Variants in SORCS2 observed in about 807,000 individuals in gnomAD.
The protein encoded by SORCS2 is VPS10 domain-containing receptor SorCS2.
A neutral mutation model predicts 141.6 loss-of-function variants in SORCS2; 100 were observed. That is an observed-to-expected ratio of 0.71 (90% CI 0.60 to 0.83). The LOEUF is 0.83. Ranked by LOEUF, SORCS2 falls within the 40% of genes least tolerant of loss-of-function variation. The pLI, the probability that SORCS2 is intolerant of heterozygous loss-of-function variation, is 0.00. For synonymous variants in SORCS2, 789 were observed against 676.9 expected (o/e 1.17, Z -2.57); for missense variants, 1,646 against 1,560.2 (o/e 1.05, Z -0.93).
At chr4:7,520,498 G>A (rs1194737241) in intron 2 of SORCS2, among the ~76,000 whole-genome samples, 1 of 152,200 alleles carries the variant, frequency 6.6e-6, no homozygotes, top group Non-Finnish European at 1.5e-5. Flanking sequence ...GCCCAGCCCA[G>A]CTTCATTCTG....
At chr4:7,465,236 C>T (rs1253258553) in intron 2 of SORCS2, among the ~76,000 whole-genome samples, 1 of 152,240 alleles carries the variant, frequency 6.6e-6, no homozygotes, top group Non-Finnish European at 1.5e-5. Flanking sequence ...TGCATTTAGC[C>T]CTCAGGAGCT....
At chr4:7,279,283 G>C (rs778262533) in intron 1 of SORCS2, among the ~76,000 whole-genome samples, 19 of 152,224 alleles carry the variant, frequency 1.2e-4, no homozygotes, top group Non-Finnish European at 2.1e-4. Context: ...GATGGAGCTA[G>C]GGACAGGCTT....
At chr4:7,467,631 T>C (rs892663197) in intron 2 of SORCS2, among the ~76,000 whole-genome samples, 4 of 152,180 alleles carry the variant, frequency 2.6e-5, no homozygotes, top group Non-Finnish European at 5.9e-5. Flanking sequence ...TTCAGAGGCC[T>C]CCTGAATCTT....
Position 7,698,338 on chromosome 4 carries a change from G to A in SORCS2, c.1668+1064G>A, listed in dbSNP as rs74828845. Among the ~76,000 whole-genome samples the A allele has an allele frequency of 2.0e-3, 307 of 152,364 alleles. 2 individuals are homozygous for A. Among genetic ancestry groups the A allele is most frequent in the South Asian group, 0.011 (53 of 4,826 alleles). On this transcript the variant is annotated intron_variant, in intron 12 of 26. Transcript: ENST00000507866. ...CCCCTCCCACACAGCAATGCTCTGG[G>A]CACACGTGTTGATCCCAAAGTGCAG...
At chr4:7,704,109 G>T in intron 13 of SORCS2, 68 bp from the exon 14 acceptor site, 1 of 1,460,648 alleles carries the variant, frequency 6.8e-7, no homozygotes, top group South Asian at 1.2e-5. Flanking sequence ...TGGACCCGCC[G>T]GGCAGAGTCC....
At chr4:7,328,749 C>A (rs989403155) in intron 1 of SORCS2, among the ~76,000 whole-genome samples, 37 of 152,222 alleles carry the variant, frequency 2.4e-4, no homozygotes, top group Admixed American at 5.9e-4. Context: ...GAGACAAGTC[C>A]TGGTCTTGCC....
At chr4:7,635,533 A>G (rs1233220885) in intron 3 of SORCS2, among the ~76,000 whole-genome samples, 1 of 152,218 alleles carries the variant, frequency 6.6e-6, no homozygotes, top group Non-Finnish European at 1.5e-5. Context: ...ATTTGTCATT[A>G]ACAGAATCAT....
intron 2 of SORCS2, among the ~76,000 whole-genome samples, chr4:7,488,122 C>T (rs1435348826): frequency 1.3e-5 from 2 of 152,212 alleles, no homozygotes; most frequent in Non-Finnish European, 2.9e-5. Context: ...GCAATCTTGG[C>T]AGCCAGGAGT....
intron 1 of SORCS2, among the ~76,000 whole-genome samples, chr4:7,346,075 TG>T (rs1206813833): frequency 6.6e-6 from 1 of 152,212 alleles, no homozygotes; most frequent in African/African-American, 2.4e-5. Context: ...CTCTGATCTT[TG>T]TTATTTCCTT....
chr4:7,390,953 G>A (rs1577489361), intron 1 of SORCS2, among the ~76,000 whole-genome samples: 1 of 152,300 alleles, frequency 6.6e-6, no homozygotes, highest in African/African-American at 2.4e-5. Flanking sequence ...ACTCAGAAAC[G>A]TGCCAGTGAC....
chr4:7,306,754 T>C (rs1162856368), intron 1 of SORCS2, among the ~76,000 whole-genome samples: 2 of 152,100 alleles, frequency 1.3e-5, no homozygotes, highest in Non-Finnish European at 2.9e-5. Context: ...CAGTGCACCG[T>C]GCAGAGTCGC....
chr4:7,434,975 G>A (rs1298225828), intron 2 of SORCS2: 6 of 1,412,648 alleles, frequency 4.2e-6, no homozygotes, highest in Middle Eastern at 2.6e-4. Context: ...ACGGAAGGGC[G>A]GCCCCACCTC....
chr4:7,479,391 A>G (rs1458152738), intron 2 of SORCS2, among the ~76,000 whole-genome samples: 3 of 152,136 alleles, frequency 2.0e-5, no homozygotes, highest in Admixed American at 2.0e-4. Flanking sequence ...CGTGCCCTAA[A>G]GCCCCCAGAT....
chr4:7,389,607 A>G (rs1014282706), intron 1 of SORCS2, among the ~76,000 whole-genome samples: 3 of 152,124 alleles, frequency 2.0e-5, no homozygotes, highest in African/African-American at 4.8e-5. Flanking sequence ...GGCTCAGGAG[A>G]TGGAGGTGTC....
chr4:7,405,771 T>C (rs759602612), intron 2 of SORCS2, among the ~76,000 whole-genome samples: 1 of 152,142 alleles, frequency 6.6e-6, no homozygotes, highest in Non-Finnish European at 1.5e-5. Context: ...TATAAGATCA[T>C]GTCATCAGTA....
intron 2 of SORCS2, among the ~76,000 whole-genome samples, chr4:7,435,894 CT>C (rs1352356180): frequency 6.6e-6 from 1 of 152,226 alleles, no homozygotes; most frequent in Non-Finnish European, 1.5e-5. Context: ...TGGCAGGGGG[CT>C]CCCCTAGCCC....
intron 1 of SORCS2, among the ~76,000 whole-genome samples, chr4:7,303,218 C>T (rs1022800798): frequency 2.6e-5 from 4 of 152,184 alleles, no homozygotes; most frequent in Non-Finnish European, 5.9e-5. Flanking sequence ...GAAGTAAACT[C>T]CCGAGGGAAA....
At chr4:7,344,257 C>T (rs182439860) in intron 1 of SORCS2, among the ~76,000 whole-genome samples, 183 of 152,322 alleles carry the variant, frequency 1.2e-3, no homozygotes, top group African/African-American at 3.7e-3. Context: ...TCTGCTGAGT[C>T]CCATGTCATG....
intron 1 of SORCS2, among the ~76,000 whole-genome samples, chr4:7,380,112 GC>G (rs1271576808): frequency 6.6e-6 from 1 of 151,988 alleles, no homozygotes; most frequent in Non-Finnish European, 1.5e-5. Flanking sequence ...GCCTCAGAAA[GC>G]CCGGAGATGG....
Sources: allele counts gnomAD v4.1 joint callset (sites outside exome capture counted in the v4.1 genomes callset), GRCh38; gene constraint gnomAD v4.1.1; transcripts MANE v1.5; gene names NCBI Gene and HGNC (gene_info 2026-07-23, HGNC 2026-07-21).